The following EVC2 variants were observed in gnomAD, a reference collection of about 807,000 sequenced individuals.
EVC2 encodes the protein EvC ciliary complex subunit 2.
Under a neutral mutation model 149.3 loss-of-function variants are expected in EVC2, and 148 were observed. That is an observed-to-expected ratio of 0.99 (90% CI 0.87 to 1.14). The LOEUF (loss-of-function observed/expected upper bound fraction) is 1.14, where lower values mean the gene tolerates loss of function less well. Among genes scored for constraint, EVC2 ranks in the 50% most tolerant of loss-of-function variants. The pLI is 0.00. For synonymous variants in EVC2, 776 were observed against 649.9 expected, an observed-to-expected ratio of 1.19 and a Z score of -2.95; for missense variants, 1,854 against 1,627.3, an observed-to-expected ratio of 1.14 and a Z score of -2.40.
chr4:5,614,753 G>A lies in EVC2; in HGVS notation c.2829+669C>T, dbSNP rs573047631. Among the ~76,000 whole-genome samples, 451 of 152,190 alleles carry A rather than the reference G, an allele frequency of 3.0e-3. 10 individuals carry two copies. The South Asian group carries it at 0.056, about 19-fold the overall frequency. ...AGCACTTTGGGAAGCTGAGGTGGGC[G>A]GATCACCTGAAGTCAGGAGTTTGAG... is the stretch of plus-strand genomic sequence containing the variant. On this transcript the variant is annotated intron_variant, in intron 16 of 21. Transcript: ENST00000344408. This position sits in a 1 kb window ranked among gnomAD's most constrained non-coding sequence, Gnocchi z 4.7.
Position 5,567,934 on chromosome 4 carries a change from AAAGGT to A in EVC2, c.3557+505_3557+509del. ...TAGGGGGATGTTTGCATGAGCGTTAAAAGGTAAGGAGCAAAATCGCTTCTGCTGTA... is the reference window on the plus strand; with the variant it reads ...TAGGGGGATGTTTGCATGAGCGTTAAAAGGAGCAAAATCGCTTCTGCTGTA... On this transcript the variant is annotated intron_variant, in intron 20 of 21. Coordinates refer to ENST00000344408, the MANE Select transcript of EVC2 (RefSeq NM_147127.5). The surrounding 1 kb of genome is among the most constrained non-coding windows in gnomAD (Gnocchi z 4.4). Among the ~76,000 whole-genome samples, 1 of 152,360 alleles carries A rather than the reference AAAGGT, an allele frequency of 6.6e-6. No individual in the cohort carries two copies. The highest frequency in any genetic ancestry group is 2.1e-4 in the South Asian group (1 of 4,832).
intron 1 of EVC2, among the ~76,000 whole-genome samples, chr4:5,704,306 T>C (rs905475963): frequency 3.3e-5 from 5 of 152,088 alleles, no homozygotes; most frequent in Non-Finnish European, 5.9e-5. Flanking sequence ...CCATGCGATA[T>C]GCTGACTAAA....
At position 5,670,645 on chromosome 4, in the gene EVC2, A is replaced by G. The variant is rs1719589025; in HGVS notation, c.871-4996T>C. Among the ~76,000 whole-genome samples the G allele has an allele frequency of 6.6e-6, 1 of 151,988 alleles. No homozygotes were observed. The highest frequency in any genetic ancestry group is 2.4e-5 in the African/African-American group (1 of 41,380). On this transcript the variant is annotated intron_variant, in intron 7 of 21. Transcript: ENST00000344408. This position sits in a 1 kb window ranked among gnomAD's most constrained non-coding sequence, Gnocchi z 5.2. ...CATCACCATCACTACCATCATTGTC[A>G]ACATTATCAATATGCCAATCACCTT...
At position 5,576,476 on chromosome 4, in the gene EVC2, G is replaced by A. The variant is rs1243927122; in HGVS notation, c.3058-22C>T. ...GCTCCTACACAAGGAAGGGGCAGAG[G>A]GTAAGCACCACTGCACAAGGCGGGT... On this transcript the variant is annotated intron_variant, in intron 17 of 21. Coordinates refer to ENST00000344408, the MANE Select transcript of EVC2 (RefSeq NM_147127.5). This position sits in a 1 kb window ranked among gnomAD's most constrained non-coding sequence, Gnocchi z 4.5. 6.4e-7 allele frequency: 1 copy of A among 1,565,936 alleles called. No homozygotes were observed. Among genetic ancestry groups the A allele is most frequent in the Non-Finnish European group, 8.6e-7 (1 of 1,158,152 alleles).
intron 9 of EVC2, among the ~76,000 whole-genome samples, chr4:5,655,162 C>G (rs1374770414): frequency 6.6e-6 from 1 of 152,184 alleles, no homozygotes; most frequent in Non-Finnish European, 1.5e-5. Flanking sequence ...TCTCCAGTGA[C>G]CCCTTTACAA....
At chr4:5,609,688 G>A (rs986370144) in intron 16 of EVC2, among the ~76,000 whole-genome samples, 1 of 152,162 alleles carries the variant, frequency 6.6e-6, no homozygotes, top group Non-Finnish European at 1.5e-5. Flanking sequence ...ACAGATGCAG[G>A]AGCCAAGGCA....
chr4:5,598,294 C>T (rs1448464630), intron 16 of EVC2, among the ~76,000 whole-genome samples: 120 of 152,008 alleles, frequency 7.9e-4, no homozygotes, highest in African/African-American at 2.7e-3. Context: ...AAGCTGGAGG[C>T]ATCATGCTAC....
chr4:5,699,755 C>T lies in EVC2; in HGVS notation c.229-2108G>A, dbSNP rs1383060930. ...AGGAATTACTTGGAGCCCAGGAGGT[C>T]GAGGCTGCAGTGAGCTATGATCATG... is the stretch of plus-strand genomic sequence containing the variant. On this transcript the variant is annotated intron_variant, in intron 1 of 21. Coordinates refer to ENST00000344408, the MANE Select transcript of EVC2 (RefSeq NM_147127.5). 4.0e-5 allele frequency among the ~76,000 whole-genome samples: 6 copies of T among 151,364 alleles called. No homozygotes were observed. In the South Asian group the frequency reaches 8.4e-4, roughly 21 times the overall value.
intron 7 of EVC2, among the ~76,000 whole-genome samples, chr4:5,668,730 T>C (rs17738946): frequency 0.031 from 4,668 of 152,310 alleles, 103 homozygotes; most frequent in Non-Finnish European, 0.047. Flanking sequence ...TGTTTTTTCA[T>C]CTTCGAGAAG....
chr4:5,545,509 G>A (rs13149376), intron 21 of EVC2, among the ~76,000 whole-genome samples: 1 of 152,168 alleles, frequency 6.6e-6, no homozygotes, highest in Non-Finnish European at 1.5e-5. Context: ...AAAACACAGA[G>A]TTATCAGGAG....
intron 17 of EVC2, among the ~76,000 whole-genome samples, chr4:5,581,373 T>C (rs1159070942): frequency 1.3e-5 from 2 of 152,118 alleles, no homozygotes; most frequent in Non-Finnish European, 2.9e-5. Context: ...AAAATGCTGA[T>C]TGTGATATGG....
intron 16 of EVC2, among the ~76,000 whole-genome samples, chr4:5,602,928 G>C (rs1231566436): frequency 1.3e-5 from 2 of 152,208 alleles, no homozygotes; most frequent in Non-Finnish European, 2.9e-5. Flanking sequence ...ACAGTTAGAA[G>C]CTGTTAACTC....
chr4:5,576,218 T>G lies in EVC2; in HGVS notation c.3272+22A>C, dbSNP rs536899313. The G allele has an allele frequency of 1.2e-6, 2 of 1,614,036 alleles. No individual in the cohort carries two copies. Among genetic ancestry groups the G allele is most frequent in the Non-Finnish European group, 1.7e-6 (2 of 1,180,008 alleles). On this transcript the variant is annotated intron_variant, in intron 18 of 21. Coordinates refer to ENST00000344408, the MANE Select transcript of EVC2 (RefSeq NM_147127.5). This position sits in a 1 kb window ranked among gnomAD's most constrained non-coding sequence, Gnocchi z 4.5. The stretch of plus-strand genomic sequence containing the variant: ...ACTGCTGGGGACTAATATCTTTGAG[T>G]GCTACGGGGCACACGGCATACCACT...
chr4:5,605,693 G>A (rs1196960284), intron 16 of EVC2, among the ~76,000 whole-genome samples: 1 of 152,188 alleles, frequency 6.6e-6, no homozygotes, highest in Non-Finnish European at 1.5e-5. Context: ...TTGGCCAGGA[G>A]GCATTTTGAG....
At chr4:5,653,846 T>C (rs886576781) in intron 9 of EVC2, among the ~76,000 whole-genome samples, 7 of 152,238 alleles carry the variant, frequency 4.6e-5, no homozygotes, top group African/African-American at 1.4e-4. Context: ...GCGTGCCTGT[T>C]ACAAACGAGG....
At chr4:5,611,088 G>A (rs1714780158) in intron 16 of EVC2, among the ~76,000 whole-genome samples, 1 of 152,140 alleles carries the variant, frequency 6.6e-6, no homozygotes, top group Admixed American at 6.5e-5. Context: ...ATCCTCAGAT[G>A]TCTCTTCCCC....
intron 3 of EVC2, among the ~76,000 whole-genome samples, chr4:5,691,588 T>A (rs1721124074): frequency 6.6e-6 from 1 of 152,202 alleles, no homozygotes; most frequent in African/African-American, 2.4e-5. Flanking sequence ...ACACCTGTTG[T>A]CACAGGGCTC....
intron 11 of EVC2, 86 bp downstream of exon 11, chr4:5,631,707 G>A: frequency 3.2e-6 from 5 of 1,562,042 alleles, no homozygotes; most frequent in Non-Finnish European, 2.6e-6. Flanking sequence ...ACAAAGGAGA[G>A]GCAGGACTGA....
At chr4:5,703,333 G>A (rs75039842) in intron 1 of EVC2, among the ~76,000 whole-genome samples, 7,586 of 152,136 alleles carry the variant, frequency 0.05, 621 homozygotes, top group African/African-American at 0.17. Flanking sequence ...CTATAAAATC[G>A]CCACTTTGTA....
Sources: gnomAD v4.1 joint callset for allele counts (sites outside exome capture counted in the v4.1 genomes callset) on GRCh38, gnomAD v4.1.1 for gene constraint, Gnocchi (gnomAD v3.1) non-coding constraint, MANE v1.5 for transcripts, NCBI Gene and HGNC (gene_info 2026-07-23, HGNC 2026-07-21) for gene names.